GRIK1: variants seen among roughly 807,000 people sequenced by gnomAD.
GRIK1 encodes glutamate receptor ionotropic, kainate 1.
A neutral mutation model predicts 105.7 loss-of-function variants in GRIK1; 69 were observed. The observed-to-expected ratio is 0.65, with a 90% CI of 0.54 to 0.80. The LOEUF is 0.80. GRIK1 is among the 30% of genes least tolerant of loss of function. The pLI is 0.00. For missense variants in GRIK1, 1,109 were observed against 1,167.3 expected, an observed-to-expected ratio of 0.95 and a Z score of 0.73; for synonymous variants, 438 against 431.3, an observed-to-expected ratio of 1.02 and a Z score of -0.19.
chr21:29,833,683 C>T lies in GRIK1; in HGVS notation c.118+105700G>A, dbSNP rs113641241. 3.1e-3 allele frequency among the ~76,000 whole-genome samples: 478 copies of T among 152,262 alleles called. 3 individuals are homozygous for T. The highest frequency in any genetic ancestry group is 0.011 in the African/African-American group (461 of 41,542). On this transcript the variant is annotated intron_variant, in intron 1 of 17. Coordinates refer to ENST00000327783, the MANE Select transcript of GRIK1 (RefSeq NM_001330994.2). ...GGGAAGTCTACCTCCATGATCCAAT[C>T]ACCTGCCACCAGGCCCTTCCTTCAA...
At chr21:29,618,637 A>G (rs1290677150) in intron 7 of GRIK1, among the ~76,000 whole-genome samples, 3 of 152,232 alleles carry the variant, frequency 2.0e-5, no homozygotes, top group African/African-American at 7.2e-5. Context: ...ACGAGTGAAT[A>G]AAGAAAGTGT....
At chr21:29,573,211 T>C (rs2146221326) in intron 14 of GRIK1, among the ~76,000 whole-genome samples, 1 of 152,350 alleles carries the variant, frequency 6.6e-6, no homozygotes, top group South Asian at 2.1e-4. Flanking sequence ...TTCATCATTT[T>C]CCTGGTGACC....
chr21:29,811,947 G>T (rs767635764), intron 1 of GRIK1, among the ~76,000 whole-genome samples: 9 of 151,934 alleles, frequency 5.9e-5, no homozygotes, highest in Non-Finnish European at 1.2e-4. Context: ...ACTATATCAG[G>T]TCTCTGCTGA....
chr21:29,935,527 A>G (rs1011112361), intron 1 of GRIK1, among the ~76,000 whole-genome samples: 2 of 152,216 alleles, frequency 1.3e-5, no homozygotes, highest in African/African-American at 2.4e-5. Flanking sequence ...AACTAAAAAC[A>G]TTACTTGGAA....
chr21:29,937,574 T>C (rs1026487705), intron 1 of GRIK1, among the ~76,000 whole-genome samples: 6 of 152,224 alleles, frequency 3.9e-5, no homozygotes, highest in Non-Finnish European at 8.8e-5. Context: ...TCCTTTTCCC[T>C]TCTCCTCCTG....
At chr21:29,699,183 G>A (rs1054333102) in intron 1 of GRIK1, among the ~76,000 whole-genome samples, 6 of 152,278 alleles carry the variant, frequency 3.9e-5, no homozygotes, top group Non-Finnish European at 7.4e-5. Context: ...ACTCAGAAGC[G>A]ACTTGCTTTC....
intron 1 of GRIK1, among the ~76,000 whole-genome samples, chr21:29,901,315 C>A (rs369629): frequency 0.23 from 35,458 of 151,644 alleles, 4,911 homozygotes; most frequent in African/African-American, 0.39. Context: ...AACTGAAGGA[C>A]ATAGAGACAC....
chr21:29,680,776 G>T (rs368111607), intron 3 of GRIK1, among the ~76,000 whole-genome samples: 1 of 152,142 alleles, frequency 6.6e-6, no homozygotes, highest in Non-Finnish European at 1.5e-5. Context: ...CTTTATCATG[G>T]TATTATTCAT....
At chr21:29,888,195 T>TTCTTTC (rs1555905542) in intron 1 of GRIK1, among the ~76,000 whole-genome samples, 13 of 22,204 alleles carry the variant, frequency 5.9e-4, no homozygotes, top group African/African-American at 9.2e-4. Context: ...CTTTCTTTCT[T>TTCTTTC]TCTCTCTCTC....
intron 4 of GRIK1, among the ~76,000 whole-genome samples, chr21:29,656,354 C>CAAAAAAAAAAAAAAAAAAAAAA (rs3054331): frequency 2.0e-4 from 10 of 51,166 alleles, no homozygotes; most frequent in African/African-American, 2.6e-4. Context: ...GAGCGAGACT[C>CAAAAAAAAAAAAAAAAAAAAAA]AAAAAAAAAA....
At chr21:29,577,503 A>T (rs363489) in intron 13 of GRIK1, among the ~76,000 whole-genome samples, 4,571 of 152,232 alleles carry the variant, frequency 0.03, 225 homozygotes, top group African/African-American at 0.1. Context: ...TTTGCCTTTT[A>T]TTACTGTCTA....
In GRIK1 at chr21:29,698,772, C is replaced by T. The variant is rs556287023; in HGVS notation, c.119-4709G>A. Among the ~76,000 whole-genome samples, 6 of 152,198 alleles carry T rather than the reference C, an allele frequency of 3.9e-5. 1 individual carries two copies. Among genetic ancestry groups the T allele is most frequent in the South Asian group, 4.2e-4 (2 of 4,812 alleles). On this transcript the variant is annotated intron_variant, in intron 1 of 17. Coordinates refer to ENST00000327783, the MANE Select transcript of GRIK1 (RefSeq NM_001330994.2). ...ATCCACCTCCCCAGCCTCTTCTCCA[C>T]CTCACCCACCATTGTCGAAGCAAAG...
intron 1 of GRIK1, among the ~76,000 whole-genome samples, chr21:29,913,679 A>G (rs903216286): frequency 1.3e-5 from 2 of 150,452 alleles, no homozygotes; most frequent in African/African-American, 2.4e-5. Context: ...CTAAATATAT[A>G]TATATATATA....
chr21:29,560,367 TCCTTCCTTCCTTC>T (rs2090397339), intron 15 of GRIK1, among the ~76,000 whole-genome samples: 5 of 27,950 alleles, frequency 1.8e-4, no homozygotes, highest in East Asian at 1.4e-3. Context: ...TTTTCTTTCT[TCCTTCCTTCCTTC>T]CTTCCTTCCT....
chr21:29,870,211 G>C (rs2068961885), intron 1 of GRIK1, among the ~76,000 whole-genome samples: 1 of 151,860 alleles, frequency 6.6e-6, no homozygotes, highest in South Asian at 2.1e-4. Flanking sequence ...ATATCATGTT[G>C]TGTACATATC....
At chr21:29,678,769 G>T (rs922691772) in intron 3 of GRIK1, among the ~76,000 whole-genome samples, 1 of 152,146 alleles carries the variant, frequency 6.6e-6, no homozygotes, top group Non-Finnish European at 1.5e-5. Flanking sequence ...ATCACAAGTG[G>T]TCATAATGAC....
At chr21:29,718,410 C>G (rs1195504687) in intron 1 of GRIK1, among the ~76,000 whole-genome samples, 1 of 152,186 alleles carries the variant, frequency 6.6e-6, no homozygotes, top group Admixed American at 6.5e-5. Flanking sequence ...CATAAACACT[C>G]ATATGCGTCT....
At chr21:29,568,088 C>G (rs1228541239) in intron 14 of GRIK1, among the ~76,000 whole-genome samples, 1 of 152,150 alleles carries the variant, frequency 6.6e-6, no homozygotes, top group African/African-American at 2.4e-5. Context: ...ATGTTTTTCT[C>G]CTGTCTAGAG....
At chr21:29,772,435 T>G (rs779475414) in intron 1 of GRIK1, among the ~76,000 whole-genome samples, 35 of 152,334 alleles carry the variant, frequency 2.3e-4, no homozygotes, top group Non-Finnish European at 3.8e-4. Flanking sequence ...TCCAATACAC[T>G]AGTGTAAACC....
Sources: gnomAD v4.1 joint callset for allele counts (sites outside exome capture counted in the v4.1 genomes callset) on GRCh38, gnomAD v4.1.1 for gene constraint, MANE v1.5 for transcripts, NCBI Gene and HGNC (gene_info 2026-07-23, HGNC 2026-07-21) for gene names.